MRGPRX3: variants seen among roughly 807,000 people sequenced by gnomAD.
MRGPRX3 encodes the protein MAS related GPR family member X3.
Under a neutral mutation model 16.5 loss-of-function variants are expected in MRGPRX3, and 14 were observed. That is an observed-to-expected ratio of 0.85 (90% CI 0.56 to 1.33). The LOEUF (loss-of-function observed/expected upper bound fraction) is 1.33. Among genes scored for constraint, MRGPRX3 ranks in the 40% most tolerant of loss-of-function variants. The pLI is 0.00. For missense variants in MRGPRX3, 449 were observed against 413.0 expected, an observed-to-expected ratio of 1.09 and a Z score of -0.76; for synonymous variants, 199 against 180.1, an observed-to-expected ratio of 1.10 and a Z score of -0.84.
At chr11:18,123,443 G>A (rs972032840) in intron 1 of MRGPRX3, among the ~76,000 whole-genome samples, 5 of 152,106 alleles carry the variant, frequency 3.3e-5, no homozygotes, top group Non-Finnish European at 5.9e-5. Flanking sequence ...ATTAAATAGG[G>A]AATCCTTTCC....
chr11:18,129,989 A>G (rs1358502496), upstream of MRGPRX3, among the ~76,000 whole-genome samples: 1 of 152,210 alleles, frequency 6.6e-6, no homozygotes, highest in Non-Finnish European at 1.5e-5. Context: ...TTTCTTTATG[A>G]TTAAAACCTT....
At chr11:18,122,170 C>G (rs1015894753) in intron 1 of MRGPRX3, among the ~76,000 whole-genome samples, 1 of 151,864 alleles carries the variant, frequency 6.6e-6, no homozygotes, top group African/African-American at 2.4e-5. Flanking sequence ...CTTGCAGCTG[C>G]AAGAGATAAC....
At chr11:18,123,989 T>C (rs1044476211) in intron 1 of MRGPRX3, among the ~76,000 whole-genome samples, 1 of 137,958 alleles carries the variant, frequency 7.2e-6, no homozygotes, top group African/African-American at 3.6e-5. Context: ...GCTCTCTGTT[T>C]GTCTGTTATT....
chr11:18,133,262 C>A (rs1007105507), intron 1 of MRGPRX3, among the ~76,000 whole-genome samples: 4 of 152,216 alleles, frequency 2.6e-5, no homozygotes, highest in Non-Finnish European at 5.9e-5. Flanking sequence ...CTCCCCTAGG[C>A]TGAAACGGAC....
intron 1 of MRGPRX3, among the ~76,000 whole-genome samples, chr11:18,126,919 C>A (rs1365590972): frequency 6.6e-6 from 1 of 152,130 alleles, no homozygotes. Flanking sequence ...GGTTCCAAGT[C>A]TTTGCTATTG....
upstream of MRGPRX3, among the ~76,000 whole-genome samples, chr11:18,130,715 C>T (rs1200857271): frequency 6.9e-6 from 1 of 144,012 alleles, no homozygotes; most frequent in African/African-American, 2.8e-5. Context: ...AAAAAAAACC[C>T]GCATAGCCAA....
chr11:18,125,346 A>G (rs1041318748), intron 1 of MRGPRX3, among the ~76,000 whole-genome samples: 5 of 151,874 alleles, frequency 3.3e-5, no homozygotes, highest in African/African-American at 9.7e-5. Flanking sequence ...ATTTCCCTCT[A>G]CACACTGCTT....
Position 18,126,902 on chromosome 11 carries a change from TTGGGTTGGTTCC to T in MRGPRX3, c.-151-5711_-151-5700del, listed in dbSNP as rs550141266. On this transcript the variant is annotated intron_variant, in intron 1 of 2. Transcript: ENST00000396275. ...AATCCAGTCTATCATTGTTGGACAT[TTGGGTTGGTTCC>T]AAGTCTTTGCTATTGTGAATAGTGC... is the stretch of plus-strand genomic sequence containing the variant. 9.2e-5 allele frequency among the ~76,000 whole-genome samples: 14 copies of T among 152,342 alleles called. No homozygotes were observed. In the South Asian group the frequency reaches 2.9e-3, roughly 32 times the overall value.
upstream of MRGPRX3, among the ~76,000 whole-genome samples, chr11:18,128,718 G>A (rs1848928751): frequency 1.3e-5 from 2 of 152,212 alleles, no homozygotes; most frequent in Admixed American, 1.3e-4. Context: ...CTGACCCCTT[G>A]CACTTCCCGG....
chr11:18,130,186 A>T (rs1284399447), upstream of MRGPRX3, among the ~76,000 whole-genome samples: 1 of 152,168 alleles, frequency 6.6e-6, no homozygotes, highest in Non-Finnish European at 1.5e-5. Context: ...CAGAGCAATC[A>T]GACAAGAGAA....
chr11:18,138,075 C>T lies in MRGPRX3; in HGVS notation c.873C>T (p.Leu291=), dbSNP rs2134087177. ...RQNRQNLKLV[L]QRALQDTPEV... ...ATAGGCAGAACCTGAAGCTGGTTCT[C>T]CAGAGGGCTCTGCAGGACACGCCTG... The change falls in exon 2 of 2, where the codon CTC becomes CTT. Residue 291 remains leucine (L), a synonymous_variant. Coordinates refer to ENST00000621697, the MANE Select transcript of MRGPRX3 (RefSeq NM_001370464.1). 4 of 1,614,162 alleles carry T rather than the reference C, an allele frequency of 2.5e-6. No individual in the cohort carries two copies. Among genetic ancestry groups the T allele is most frequent in the Non-Finnish European group, 3.4e-6 (4 of 1,180,044 alleles).
At chr11:18,133,534 T>C (rs1160494659) in intron 1 of MRGPRX3, among the ~76,000 whole-genome samples, 2 of 152,210 alleles carry the variant, frequency 1.3e-5, no homozygotes, top group Non-Finnish European at 1.5e-5. Context: ...GGTATTGTTG[T>C]TGTGATACTG....
At chr11:18,125,655 G>A (rs1334941925) in intron 1 of MRGPRX3, among the ~76,000 whole-genome samples, 1 of 152,196 alleles carries the variant, frequency 6.6e-6, no homozygotes, top group Non-Finnish European at 1.5e-5. Context: ...TGAGAAGAAT[G>A]TATATTCTGT....
At chr11:18,122,587 T>C (rs1014793606) in intron 1 of MRGPRX3, among the ~76,000 whole-genome samples, 1 of 152,204 alleles carries the variant, frequency 6.6e-6, no homozygotes, top group African/African-American at 2.4e-5. Context: ...AGTCTATCAT[T>C]TTTGGATCTT....
rs59911806 is a variant in MRGPRX3, at chr11:18,126,852, TG to T, written c.-152+5690del. Among the ~76,000 whole-genome samples, 577 of 152,358 alleles carry T rather than the reference TG, an allele frequency of 3.8e-3. 2 individuals are homozygous for T. Among genetic ancestry groups the T allele is most frequent in the African/African-American group, 0.013 (549 of 41,578 alleles). On this transcript the variant is annotated intron_variant, in intron 1 of 2. Transcript: ENST00000396275. ...TTTTTTATGGCTGCATAGTATTCCA[TG>T]GTGTATATGTGCCACGTTTTCTTAA...
In MRGPRX3 at chr11:18,137,860, C is replaced by T. The variant is rs748878850; in HGVS notation, c.658C>T (p.Leu220Phe). The T allele has an allele frequency of 1.2e-6, 2 of 1,614,208 alleles. No homozygotes were observed. Among genetic ancestry groups the T allele is most frequent in the Non-Finnish European group, 1.7e-6 (2 of 1,180,044 alleles). The change falls in exon 2 of 2, where the codon CTC (leucine) becomes TTC (phenylalanine). Residue 220 changes from leucine (L) to phenylalanine (F), a missense_variant. Coordinates refer to ENST00000621697, the MANE Select transcript of MRGPRX3 (RefSeq NM_001370464.1). Reference protein sequence around the residue: ...PLTRLYVTILLTVLVFLLCGL... With the variant: ...PLTRLYVTILFTVLVFLLCGL... ...GACCAGGCTGTACGTGACCATCCTC[C>T]TCACAGTGCTGGTCTTCCTCCTCTG... is the stretch of plus-strand genomic sequence containing the variant.
chr11:18,127,029 A>G (rs1000899978), intron 1 of MRGPRX3, among the ~76,000 whole-genome samples: 2 of 152,192 alleles, frequency 1.3e-5, no homozygotes, highest in African/African-American at 2.4e-5. Context: ...GCTGGGCCAA[A>G]TGGTATTTCT....
chr11:18,131,261 G>A (rs1279766166), upstream of MRGPRX3, among the ~76,000 whole-genome samples: 2 of 152,146 alleles, frequency 1.3e-5, no homozygotes, highest in Non-Finnish European at 2.9e-5. Context: ...CACCGAGTGA[G>A]AGAAAATCTT....
At chr11:18,129,194 G>C (rs990425298), upstream of MRGPRX3, among the ~76,000 whole-genome samples, 27 of 152,102 alleles carry the variant, frequency 1.8e-4, no homozygotes, top group Non-Finnish European at 3.4e-4. Context: ...AAAACGATCA[G>C]AGCAGAACTA....
Sources: allele counts gnomAD v4.1 joint callset (sites outside exome capture counted in the v4.1 genomes callset), GRCh38; gene constraint gnomAD v4.1.1; transcripts MANE v1.5; gene names NCBI Gene and HGNC (gene_info 2026-07-23, HGNC 2026-07-21).